Variants in SHTN1 observed in about 807,000 individuals in gnomAD.
The protein encoded by SHTN1 is shootin-1.
Under a neutral mutation model 83.1 loss-of-function variants are expected in SHTN1, and 42 were observed. The observed-to-expected ratio is 0.51, with a 90% confidence interval of 0.39 to 0.65. The LOEUF (loss-of-function observed/expected upper bound fraction) is 0.65. SHTN1 is among the 30% of genes least tolerant of loss of function. SHTN1 has a pLI of 0.00. For synonymous variants in SHTN1, 224 were observed against 247.7 expected, an observed-to-expected ratio of 0.90 and a Z score of 0.90; for missense variants, 622 against 737.8, an observed-to-expected ratio of 0.84 and a Z score of 1.82.
intron 2 of SHTN1, among the ~76,000 whole-genome samples, chr10:117,033,619 C>G (rs1408706176): frequency 1.3e-5 from 2 of 152,116 alleles, no homozygotes; most frequent in Non-Finnish European, 2.9e-5. Context: ...GAACTAATAT[C>G]AATCCTACTC....
intron 1 of SHTN1, among the ~76,000 whole-genome samples, chr10:117,102,304 A>C (rs1853605295): frequency 6.6e-6 from 1 of 152,162 alleles, no homozygotes; most frequent in Admixed American, 6.5e-5. Context: ...AGGTATTTCA[A>C]ATCTTTTACT....
At chr10:116,980,547 C>CAA (rs751077730) in intron 1 of SHTN1, among the ~76,000 whole-genome samples, 46 of 110,492 alleles carry the variant, frequency 4.2e-4, no homozygotes, top group African/African-American at 1.4e-3. Context: ...ATTTATCTAC[C>CAA]AAAAAAAAAA....
In SHTN1 at chr10:116,939,905, T is replaced by C. The variant is rs920969850; in HGVS notation, c.858+561A>G. ...CTACCACAATGACTATCCTTTCTTCTTGGCACACAGAGGTAGGCTGTGTCA... is the reference window on the plus strand; with the variant it reads ...CTACCACAATGACTATCCTTTCTTCCTGGCACACAGAGGTAGGCTGTGTCA... On this transcript the variant is annotated intron_variant, in intron 9 of 16. Transcript: ENST00000355371. 2.0e-5 allele frequency among the ~76,000 whole-genome samples: 3 copies of C among 152,196 alleles called. No individual in the cohort carries two copies. The South Asian group carries it at 6.2e-4, about 32-fold the overall frequency.
At chr10:117,099,730 T>C (rs554565137) in intron 1 of SHTN1, among the ~76,000 whole-genome samples, 1 of 152,314 alleles carries the variant, frequency 6.6e-6, no homozygotes, top group Non-Finnish European at 1.5e-5. Flanking sequence ...TGAATACTTG[T>C]TGAATTAAAC....
intron 1 of SHTN1, among the ~76,000 whole-genome samples, chr10:116,985,926 G>C (rs1235745332): frequency 6.6e-6 from 1 of 152,160 alleles, no homozygotes; most frequent in African/African-American, 2.4e-5. Flanking sequence ...TAAAGCATTT[G>C]AAAAGCCATG....
chr10:116,954,211 C>A lies in SHTN1; in HGVS notation c.268-1G>T. On this transcript the variant is annotated splice_acceptor_variant, in intron 4 of 16. Transcript: ENST00000355371. LOFTEE classifies it high-confidence loss of function. ...TCAACGTTTTATTTTCTTTATTTAGCTAAGACAAAATATAAAAACAGTTAT... is the reference window on the plus strand; with the variant it reads ...TCAACGTTTTATTTTCTTTATTTAGATAAGACAAAATATAAAAACAGTTAT... The A allele has an allele frequency of 1.3e-6, 2 of 1,587,852 alleles. No homozygotes were observed. Among genetic ancestry groups the A allele is most frequent in the Non-Finnish European group, 8.6e-7 (1 of 1,167,648 alleles).
chr10:116,958,659 G>C (rs1276008333), intron 4 of SHTN1, among the ~76,000 whole-genome samples: 1 of 136,642 alleles, frequency 7.3e-6, no homozygotes, highest in African/African-American at 2.5e-5. Context: ...GTAGCTCAGA[G>C]AGGTGAGTTC....
At chr10:116,933,898 T>C (rs1401604065) in intron 9 of SHTN1, among the ~76,000 whole-genome samples, 1 of 152,244 alleles carries the variant, frequency 6.6e-6, no homozygotes, top group Non-Finnish European at 1.5e-5. Context: ...TGGTTTTGAT[T>C]TGCATTTCTC....
chr10:116,922,437 ATGAGCCAGTG>A (rs1276853174), intron 11 of SHTN1, among the ~76,000 whole-genome samples: 2 of 152,014 alleles, frequency 1.3e-5, no homozygotes, highest in African/African-American at 2.4e-5. Flanking sequence ...TATGTATCTT[ATGAGCCAGTG>A]ATTCCACTGC....
intron 1 of SHTN1, among the ~76,000 whole-genome samples, chr10:117,061,814 C>T (rs1328294370): frequency 2.0e-5 from 3 of 152,108 alleles, no homozygotes; most frequent in Non-Finnish European, 4.4e-5. Flanking sequence ...TAGGCTTCTG[C>T]GAAACCTAAC....
intron 12 of SHTN1, 97 bp from the exon 13 acceptor site, chr10:116,915,581 C>A (rs1454510439): frequency 5.9e-6 from 4 of 681,968 alleles, no homozygotes; most frequent in African/African-American, 5.5e-5. Flanking sequence ...TGCAATTAAT[C>A]ACAGTCATTT....
chr10:117,107,559 AATTC>A (rs1159938843), intron 1 of SHTN1, among the ~76,000 whole-genome samples: 1 of 152,184 alleles, frequency 6.6e-6, no homozygotes, highest in Admixed American at 6.5e-5. Flanking sequence ...ACAATTATCC[AATTC>A]ACTCCAGACA....
chr10:117,091,644 C>T (rs1387684005), intron 1 of SHTN1, among the ~76,000 whole-genome samples: 1 of 152,170 alleles, frequency 6.6e-6, no homozygotes, highest in East Asian at 1.9e-4. Flanking sequence ...GCTTTGAGTT[C>T]CTAACAACAC....
At chr10:116,911,665 C>T in intron 14 of SHTN1, 125 bp downstream of exon 14, 1 of 1,571,386 alleles carries the variant, frequency 6.4e-7, no homozygotes, top group Non-Finnish European at 8.7e-7. Flanking sequence ...AATAAACTGG[C>T]CAAAGATGAG....
At chr10:117,050,722 A>T (rs1488798368) in intron 1 of SHTN1, among the ~76,000 whole-genome samples, 1 of 152,078 alleles carries the variant, frequency 6.6e-6, no homozygotes, top group Non-Finnish European at 1.5e-5. Flanking sequence ...GAGAGATTCA[A>T]TTACTAAAAT....
chr10:116,918,831 T>C (rs574274243), intron 12 of SHTN1, among the ~76,000 whole-genome samples: 1 of 152,316 alleles, frequency 6.6e-6, no homozygotes, highest in South Asian at 2.1e-4. Context: ...AACAAATTAA[T>C]GACCTAAATG....
intron 1 of SHTN1, among the ~76,000 whole-genome samples, chr10:117,098,396 CAAAAAAAAAAAAAAAAAAAAAA>C (rs11321262): frequency 1.6e-5 from 1 of 61,068 alleles, no homozygotes; most frequent in Admixed American, 2.0e-4. Flanking sequence ...CACTCCGTCT[CAAAAAAAAAAAAAAAAAAAAAA>C]AGTTCCTGAA....
At chr10:116,998,746 T>C (rs1405435622) in intron 1 of SHTN1, among the ~76,000 whole-genome samples, 7 of 152,124 alleles carry the variant, frequency 4.6e-5, no homozygotes, top group Admixed American at 3.3e-4. Context: ...TCTTGTATAT[T>C]TCCTGCCCCT....
intron 1 of SHTN1, among the ~76,000 whole-genome samples, chr10:117,067,326 C>T (rs1398952722): frequency 6.6e-6 from 1 of 152,192 alleles, no homozygotes; most frequent in Non-Finnish European, 1.5e-5. Context: ...TACGGTGGCT[C>T]GTGCCTATAA....
Sources: allele counts gnomAD v4.1 joint callset (sites outside exome capture counted in the v4.1 genomes callset), GRCh38; gene constraint gnomAD v4.1.1; transcripts MANE v1.5; gene names NCBI Gene and HGNC (gene_info 2026-07-23, HGNC 2026-07-21).